The following MARCHF1 variants were observed in gnomAD, a reference collection of about 807,000 sequenced individuals.
MARCHF1 encodes E3 ubiquitin-protein ligase MARCHF1.
In MARCHF1, 40 loss-of-function variants were observed where a neutral mutation model predicts 54.2. The ratio of observed to expected loss-of-function variants is 0.74; its 90% CI spans 0.57 to 0.96. The LOEUF (loss-of-function observed/expected upper bound fraction) is 0.96. Among genes scored for constraint, MARCHF1 ranks in the 40% least tolerant of loss-of-function variants. The probability of loss-of-function intolerance (pLI) is 0.00; values close to 1 mark genes in which losing one functional copy is unlikely to be tolerated. For missense variants in MARCHF1, 586 were observed against 656.5 expected (o/e 0.89, Z 1.17); for synonymous variants, 236 against 236.3 (o/e 1.00, Z 0.01).
At chr4:164,083,653 T>A (rs911646221) in intron 2 of MARCHF1, among the ~76,000 whole-genome samples, 7 of 152,146 alleles carry the variant, frequency 4.6e-5, no homozygotes, top group African/African-American at 1.4e-4. Flanking sequence ...CCTCCAAATC[T>A]ATGCTGCATC....
At chr4:164,118,071 A>G (rs576481914) in intron 1 of MARCHF1, among the ~76,000 whole-genome samples, 66 of 152,076 alleles carry the variant, frequency 4.3e-4, no homozygotes, top group Non-Finnish European at 8.5e-4. Flanking sequence ...AGAGATAAAA[A>G]GGAACAAACA....
intron 3 of MARCHF1, among the ~76,000 whole-genome samples, chr4:163,957,968 C>A (rs927260243): frequency 6.6e-6 from 1 of 152,058 alleles, no homozygotes; most frequent in African/African-American, 2.4e-5. Flanking sequence ...TATTTCCAAT[C>A]ATATTTTATT....
intron 4 of MARCHF1, among the ~76,000 whole-genome samples, chr4:163,708,581 G>A (rs1745016549): frequency 6.6e-6 from 1 of 152,040 alleles, no homozygotes; most frequent in African/African-American, 2.4e-5. Context: ...AGGTAACTTC[G>A]AGAGTGAAAA....
chr4:163,988,162 C>T (rs911413820), intron 3 of MARCHF1, among the ~76,000 whole-genome samples: 2 of 152,092 alleles, frequency 1.3e-5, no homozygotes, highest in African/African-American at 4.8e-5. Flanking sequence ...GAAAATGTAC[C>T]ACAGCAATGT....
chr4:164,138,299 C>T (rs189527551), intron 1 of MARCHF1, among the ~76,000 whole-genome samples: 2 of 150,830 alleles, frequency 1.3e-5, no homozygotes, highest in East Asian at 2.0e-4. Context: ...TCTAAGCCTG[C>T]GTCAGCTTAT....
At chr4:163,900,058 T>C (rs558303797) in intron 3 of MARCHF1, among the ~76,000 whole-genome samples, 3 of 152,218 alleles carry the variant, frequency 2.0e-5, no homozygotes, top group Non-Finnish European at 4.4e-5. Flanking sequence ...CCAGGAACTC[T>C]TGCTTCCCCT....
At chr4:164,179,884 T>A (rs576553196) in intron 1 of MARCHF1, among the ~76,000 whole-genome samples, 1 of 151,072 alleles carries the variant, frequency 6.6e-6, no homozygotes, top group South Asian at 2.1e-4. Flanking sequence ...TCTAAGAATA[T>A]GTTAATAATT....
rs1738176977 is a variant in MARCHF1, at chr4:163,527,761, A to ACTT, written c.*984_*986dup. The stretch of plus-strand genomic sequence containing the variant: ...ATATAGTTAATTCAAGTTGAAGTGT[A>ACTT]CTTTTAAATTACCAACTGGATTTTG... On this transcript the variant is annotated 3_prime_UTR_variant, in exon 10 of 10. Transcript: ENST00000514618. The ACTT allele has an allele frequency of 6.6e-6, 1 of 152,128 alleles. No individual in the cohort carries two copies. Among genetic ancestry groups the ACTT allele is most frequent in the African/African-American group, 2.4e-5 (1 of 41,458 alleles). 9.4% of individuals were successfully genotyped at this position (152,128 alleles called of 1,614,324 possible).
At chr4:163,743,386 T>C (rs981664857) in intron 4 of MARCHF1, among the ~76,000 whole-genome samples, 2 of 152,148 alleles carry the variant, frequency 1.3e-5, no homozygotes, top group Admixed American at 6.5e-5. Context: ...TGTTTTCAGA[T>C]TAAACCCAAC....
chr4:164,252,548 T>A (rs921970534), intron 1 of MARCHF1, among the ~76,000 whole-genome samples: 1 of 152,072 alleles, frequency 6.6e-6, no homozygotes, highest in Non-Finnish European at 1.5e-5. Flanking sequence ...CAGCCACAGC[T>A]CATGGAGTTC....
intron 3 of MARCHF1, among the ~76,000 whole-genome samples, chr4:163,929,006 AATAAC>A (rs1751597674): frequency 6.6e-6 from 1 of 152,006 alleles, no homozygotes; most frequent in Non-Finnish European, 1.5e-5. Context: ...AGAGAGAAAA[AATAAC>A]ATATTGTTTA....
intron 1 of MARCHF1, among the ~76,000 whole-genome samples, chr4:164,172,231 T>C (rs950450922): frequency 2.0e-5 from 3 of 152,214 alleles, no homozygotes; most frequent in Admixed American, 1.3e-4. Context: ...TTTAATAAAA[T>C]AAAATGAAAA....
intron 1 of MARCHF1, among the ~76,000 whole-genome samples, chr4:164,338,442 C>G (rs1729821775): frequency 6.6e-6 from 1 of 152,044 alleles, no homozygotes; most frequent in Admixed American, 6.6e-5. Context: ...ATGATTACCA[C>G]GAATGTAATT....
chr4:163,771,414 TAAC>T (rs1369670730), intron 4 of MARCHF1, among the ~76,000 whole-genome samples: 1 of 152,196 alleles, frequency 6.6e-6, no homozygotes, highest in Non-Finnish European at 1.5e-5. Flanking sequence ...GGGTAGCTCA[TAAC>T]AACAGGAATT....
At chr4:163,601,858 G>C (rs1740982524) in intron 7 of MARCHF1, among the ~76,000 whole-genome samples, 1 of 151,834 alleles carries the variant, frequency 6.6e-6, no homozygotes, top group South Asian at 2.1e-4. Context: ...AAAAATTGAA[G>C]TGACTGTTTA....
chr4:163,804,257 T>G (rs544009228), intron 4 of MARCHF1, among the ~76,000 whole-genome samples: 1 of 152,286 alleles, frequency 6.6e-6, no homozygotes, highest in South Asian at 2.1e-4. Flanking sequence ...AACAGAAACT[T>G]TTAAAAAGCA....
chr4:163,669,983 T>C (rs962067722), intron 5 of MARCHF1, among the ~76,000 whole-genome samples: 1 of 152,218 alleles, frequency 6.6e-6, no homozygotes, highest in Non-Finnish European at 1.5e-5. Context: ...AGATTATTTT[T>C]ATAATTTTTC....
At chr4:163,947,166 C>T (rs1752041438) in intron 3 of MARCHF1, among the ~76,000 whole-genome samples, 1 of 152,092 alleles carries the variant, frequency 6.6e-6, no homozygotes, top group Admixed American at 6.5e-5. Context: ...TTTGAATTCA[C>T]TTATAGGAAG....
At chr4:164,108,219 AT>A (rs965893813) in intron 2 of MARCHF1, among the ~76,000 whole-genome samples, 1 of 152,126 alleles carries the variant, frequency 6.6e-6, no homozygotes, top group Non-Finnish European at 1.5e-5. Flanking sequence ...TATTAATAAA[AT>A]TCTCTCTGAT....
Sources: allele counts gnomAD v4.1 joint callset (sites outside exome capture counted in the v4.1 genomes callset), GRCh38; gene constraint gnomAD v4.1.1; transcripts MANE v1.5; gene names NCBI Gene and HGNC (gene_info 2026-07-23, HGNC 2026-07-21).